The following KYAT3 variants were observed in gnomAD, a reference collection of about 807,000 sequenced individuals.
KYAT3 encodes kynurenine aminotransferase 3, also known as kynurenine--oxoglutarate transaminase 3.
In KYAT3, 50 loss-of-function variants were observed where a neutral mutation model predicts 59.0. The ratio of observed to expected loss-of-function variants is 0.85; its 90% CI spans 0.68 to 1.07. The LOEUF (loss-of-function observed/expected upper bound fraction) is 1.07, where lower values mean the gene tolerates loss of function less well. Ranked by LOEUF, KYAT3 falls within the 50% of genes least tolerant of loss-of-function variation. The probability of loss-of-function intolerance (pLI) is 0.00; values close to 1 mark genes in which losing one functional copy is unlikely to be tolerated. For synonymous variants in KYAT3, 148 were observed against 177.0 expected (o/e 0.84, Z 1.30); for missense variants, 497 against 533.3 (o/e 0.93, Z 0.67).
At chr1:88,959,111 C>T (rs1676042059) in intron 8 of KYAT3, among the ~76,000 whole-genome samples, 1 of 151,752 alleles carries the variant, frequency 6.6e-6, no homozygotes, top group Non-Finnish European at 1.5e-5. Flanking sequence ...GATGCTATCT[C>T]TACAAAAATT....
intron 2 of KYAT3, among the ~76,000 whole-genome samples, chr1:88,978,082 ATATG>A (rs975017557): frequency 2.0e-5 from 3 of 151,932 alleles, no homozygotes; most frequent in Non-Finnish European, 4.4e-5. Flanking sequence ...ATATATACAC[ATATG>A]TATATATGTA....
At chr1:88,931,051 C>T (rs1349702409), downstream of KYAT3, among the ~76,000 whole-genome samples, 1 of 152,098 alleles carries the variant, frequency 6.6e-6, no homozygotes, top group East Asian at 1.9e-4. Context: ...GTTTCCTCCC[C>T]TCAGGATGGC....
Position 88,969,416 on chromosome 1 carries a change from T to G in KYAT3, c.151A>C (p.Asn51His), listed in dbSNP as rs773889993. ...NAKRIEGLDSNVWIEFTKLAA... is the reference protein window; with the variant it reads ...NAKRIEGLDSHVWIEFTKLAA... ...TTATTTTAAGATACTCACCACACATTACTATCAAGTCCTTCAATCCGTTTT... is the reference window on the plus strand; with the variant it reads ...TTATTTTAAGATACTCACCACACATGACTATCAAGTCCTTCAATCCGTTTT... Residue 51 changes from asparagine (N) to histidine (H), a missense_variant, in exon 3 of 14, where the codon AAT becomes CAT. Physicochemically the swap from Asn to His is moderately conservative, Grantham distance 68. This residue lies in a region of KYAT3 where 469 missense variants were observed against 479.1 expected (regional missense o/e 0.98). Transcript: ENST00000260508. 1.9e-6 allele frequency: 3 copies of G among 1,555,566 alleles called. No individual in the cohort carries two copies. The highest frequency in any genetic ancestry group is 2.3e-5 in the South Asian group (2 of 88,760).
At chr1:88,968,313 G>A (rs1020424931) in intron 4 of KYAT3, among the ~76,000 whole-genome samples, 10 of 152,276 alleles carry the variant, frequency 6.6e-5, no homozygotes, top group Non-Finnish European at 1.0e-4. Context: ...GAGGAAAAAC[G>A]TAGCTAGTTG....
intron 2 of KYAT3, among the ~76,000 whole-genome samples, chr1:88,976,761 T>C (rs1262085094): frequency 1.3e-5 from 2 of 152,228 alleles, no homozygotes; most frequent in African/African-American, 4.8e-5. Context: ...AACACAGTGA[T>C]ACTGATGATC....
rs1211893845 is a variant in KYAT3, at chr1:88,936,263, AATC to A, written c.1303-21_1303-19del. The stretch of plus-strand genomic sequence containing the variant: ...CTGTCTTTCTGTAAATTAATGAAAT[AATC>A]ATCATTATTACAGATATACATAAAT... On this transcript the variant is annotated intron_variant, in intron 13 of 13. Coordinates refer to ENST00000260508, the MANE Select transcript of KYAT3 (RefSeq NM_001008661.3). 1.3e-6 allele frequency: 2 copies of A among 1,542,718 alleles called. No individual in the cohort carries two copies. The highest frequency in any genetic ancestry group is 8.9e-7 in the Non-Finnish European group (1 of 1,118,320).
chr1:88,980,085 CATTTAT>C (rs1297202806), intron 2 of KYAT3: 2 of 152,156 alleles, frequency 1.3e-5, no homozygotes, highest in South Asian at 2.1e-4. Flanking sequence ...TACACAATCC[CATTTAT>C]ATAAAATACT....
At chr1:88,932,372 C>A (rs766377901), downstream of KYAT3, among the ~76,000 whole-genome samples, 42 of 152,004 alleles carry the variant, frequency 2.8e-4, no homozygotes, top group Non-Finnish European at 5.0e-4. Context: ...TATGAATATG[C>A]CCCCTAAATT....
At chr1:88,971,589 G>C (rs1478414847) in intron 2 of KYAT3, among the ~76,000 whole-genome samples, 2 of 152,076 alleles carry the variant, frequency 1.3e-5, no homozygotes, top group Admixed American at 6.5e-5. Context: ...GCTTTGGATG[G>C]TGACAAAACA....
At chr1:88,934,339 A>C (rs376636320), downstream of KYAT3, among the ~76,000 whole-genome samples, 4 of 152,132 alleles carry the variant, frequency 2.6e-5, no homozygotes, top group African/African-American at 9.7e-5. Flanking sequence ...TTGTAATCCT[A>C]GCTACTTGGA....
intron 4 of KYAT3, among the ~76,000 whole-genome samples, chr1:88,965,733 C>T (rs533600986): frequency 6.6e-6 from 1 of 151,858 alleles, no homozygotes; most frequent in African/African-American, 2.4e-5. Flanking sequence ...CTGTTGTTTT[C>T]TGTCCAGCAT....
chr1:88,968,323 G>A (rs761356814), intron 4 of KYAT3, among the ~76,000 whole-genome samples: 10 of 152,098 alleles, frequency 6.6e-5, no homozygotes, highest in Non-Finnish European at 1.2e-4. Context: ...GTAGCTAGTT[G>A]GATATATTAA....
intron 2 of KYAT3, among the ~76,000 whole-genome samples, chr1:88,969,731 A>G (rs3753679): frequency 0.45 from 68,799 of 151,634 alleles, 15,877 homozygotes; most frequent in Admixed American, 0.5. Context: ...AGCTTCAACT[A>G]TCCAGGCTCA....
chr1:88,979,782 A>G (rs746236474), intron 2 of KYAT3: 1 of 152,192 alleles, frequency 6.6e-6, no homozygotes, highest in Non-Finnish European at 1.5e-5. Flanking sequence ...ATTAAACATA[A>G]ATCTGCCATG....
At chr1:88,982,750 TGAA>T (rs1677164692) in intron 2 of KYAT3, 3 of 1,613,848 alleles carry the variant, frequency 1.9e-6, no homozygotes, top group Middle Eastern at 1.6e-4. Context: ...AGGAATCACG[TGAA>T]GAAGGGTACC....
intron 5 of KYAT3, among the ~76,000 whole-genome samples, chr1:88,964,359 T>A (rs1676259799): frequency 6.6e-6 from 1 of 152,206 alleles, no homozygotes. Context: ...GCAGTGTTAG[T>A]CCCTTCCATC....
At chr1:88,979,236 C>T (rs1333132951) in intron 2 of KYAT3, among the ~76,000 whole-genome samples, 2 of 152,156 alleles carry the variant, frequency 1.3e-5, no homozygotes, top group Non-Finnish European at 2.9e-5. Context: ...TACCCATTAT[C>T]TCAGTTTGCA....
chr1:88,961,034 A>G, intron 8 of KYAT3, 133 bp downstream of exon 8: 1 of 790,088 alleles, frequency 1.3e-6, no homozygotes, highest in South Asian at 1.7e-5. Flanking sequence ...TTTAAATACT[A>G]TTTTAAAGTG....
At chr1:88,991,447 C>T (rs1318818672) in intron 1 of KYAT3, among the ~76,000 whole-genome samples, 2 of 152,174 alleles carry the variant, frequency 1.3e-5, no homozygotes, top group African/African-American at 4.8e-5. Context: ...TACAAGAGTC[C>T]GACCACTGTA....
Sources: gnomAD v4.1 joint callset for allele counts (sites outside exome capture counted in the v4.1 genomes callset) on GRCh38, gnomAD v4.1.1 for gene constraint, gnomAD v4.1.1 regional missense constraint, MANE v1.5 for transcripts, NCBI Gene and HGNC (gene_info 2026-07-23, HGNC 2026-07-21) for gene names.